Variants in UGCG observed in about 807,000 individuals in gnomAD.
UGCG encodes ceramide glucosyltransferase.
In UGCG, 10 loss-of-function variants were observed where a neutral mutation model predicts 49.5. That is an observed-to-expected ratio of 0.20 (90% CI 0.12 to 0.34). UGCG has a LOEUF of 0.34. Ranked by LOEUF, UGCG falls within the 10% of genes least tolerant of loss-of-function variation. UGCG has a pLI of 1.00. For missense variants in UGCG, 312 were observed against 483.7 expected (o/e 0.65, Z 3.33); for synonymous variants, 182 against 158.2 (o/e 1.15, Z -1.13).
intron 4 of UGCG, among the ~76,000 whole-genome samples, chr9:111,926,168 A>T (rs980990957): frequency 1.3e-5 from 2 of 152,220 alleles, no homozygotes; most frequent in African/African-American, 4.8e-5. Context: ...GGGCTAAAAA[A>T]TGTATAAATT....
intron 7 of UGCG, 111 bp from the exon 8 acceptor site, chr9:111,932,059 G>C (rs1398133521): frequency 1.6e-5 from 18 of 1,124,466 alleles, no homozygotes; most frequent in Non-Finnish European, 2.0e-5. Flanking sequence ...AGTTTAAAGA[G>C]AATGGTCTTT....
At chr9:111,914,021 T>C (rs554973638) in intron 1 of UGCG, among the ~76,000 whole-genome samples, 1 of 152,286 alleles carries the variant, frequency 6.6e-6, no homozygotes, top group South Asian at 2.1e-4. Flanking sequence ...TTTAACTGTG[T>C]ATTATCCCAC....
intron 4 of UGCG, 66 bp from the exon 5 acceptor site, chr9:111,926,318 T>C: frequency 1.1e-6 from 1 of 920,312 alleles, no homozygotes; most frequent in South Asian, 1.8e-5. Context: ...TATTTTATAT[T>C]AATGGGCATT....
rs1838457686 is a variant in UGCG, at chr9:111,933,150, TG to T, written c.*154del. On this transcript the variant is annotated 3_prime_UTR_variant, in exon 9 of 9. Coordinates refer to ENST00000374279, the MANE Select transcript of UGCG (RefSeq NM_003358.3). ...TATTTTTGCATGGCACTTGCATCTG[TG>T]AAAAAAAAAAAAAACACATCTGTAG... is the stretch of plus-strand genomic sequence containing the variant. The T allele has an allele frequency of 6.5e-6, 4 of 614,738 alleles. No individual in the cohort carries two copies. The highest frequency in any genetic ancestry group is 9.1e-6 in the Non-Finnish European group (4 of 439,030). 38.1% of individuals were successfully genotyped at this position (614,738 alleles called of 1,614,324 possible).
intron 1 of UGCG, among the ~76,000 whole-genome samples, chr9:111,911,334 A>G (rs1171250685): frequency 2.0e-5 from 3 of 152,168 alleles, no homozygotes; most frequent in African/African-American, 7.2e-5. Context: ...TAACGGTTCA[A>G]TTATGTATTT....
chr9:111,930,466 T>G (rs1168395705), intron 6 of UGCG, among the ~76,000 whole-genome samples: 1 of 136,490 alleles, frequency 7.3e-6, no homozygotes, highest in Non-Finnish European at 1.5e-5. Context: ...CTTGTTTTGT[T>G]TTGGTTTTTT....
chr9:111,908,805 A>G (rs1837940455), intron 1 of UGCG, among the ~76,000 whole-genome samples: 1 of 152,206 alleles, frequency 6.6e-6, no homozygotes, highest in Non-Finnish European at 1.5e-5. Context: ...TGAGACACTA[A>G]AAGAAAAACT....
At chr9:111,923,006 AAT>A in intron 3 of UGCG, 55 bp downstream of exon 3, 1 of 1,163,462 alleles carries the variant, frequency 8.6e-7, no homozygotes, top group East Asian at 2.4e-5. Context: ...AAGTATCAGT[AAT>A]CTCTGCATTG....
chr9:111,914,968 T>C lies in UGCG; in HGVS notation c.240+222T>C, dbSNP rs1838086833. ...TAACCACCTATATGTCCGTGTGAAG[T>C]AGAGATCCCTGAGTAAACCTTCTGA... On this transcript the variant is annotated intron_variant, in intron 2 of 8. Coordinates refer to ENST00000374279, the MANE Select transcript of UGCG (RefSeq NM_003358.3). The C allele has an allele frequency of 6.3e-6, 3 of 479,990 alleles. No homozygotes were observed. The Admixed American group carries it at 1.1e-4, about 18-fold the overall frequency. 29.7% of individuals were successfully genotyped at this position (479,990 alleles called of 1,614,324 possible). A position where few individuals can be genotyped will look rare whatever the true frequency, so the allele number is the denominator to read the frequency against.
intron 5 of UGCG, among the ~76,000 whole-genome samples, chr9:111,926,934 ACGAT>A (rs979399551): frequency 6.0e-5 from 7 of 116,868 alleles, no homozygotes; most frequent in African/African-American, 2.3e-4. Flanking sequence ...GTGCAGTGGC[ACGAT>A]CTCGGCTCAC....
chr9:111,915,243 A>C (rs1376524210), intron 2 of UGCG, among the ~76,000 whole-genome samples: 1 of 152,198 alleles, frequency 6.6e-6, no homozygotes, highest in African/African-American at 2.4e-5. Flanking sequence ...TACTGTTCTG[A>C]TTTTAATAGC....
intron 5 of UGCG, 36 bp downstream of exon 5, chr9:111,926,532 C>G: frequency 2.0e-6 from 3 of 1,474,878 alleles, no homozygotes; most frequent in Non-Finnish European, 2.8e-6. Context: ...TTCATAGTAT[C>G]AGACCCCTCA....
At chr9:111,930,516 G>A (rs563438471) in intron 6 of UGCG, among the ~76,000 whole-genome samples, 2 of 149,206 alleles carry the variant, frequency 1.3e-5, no homozygotes, top group South Asian at 4.2e-4. Flanking sequence ...CATCCAGGCT[G>A]GAGTGCAGTG....
At chr9:111,907,978 C>G (rs1378902442) in intron 1 of UGCG, among the ~76,000 whole-genome samples, 3 of 152,050 alleles carry the variant, frequency 2.0e-5, no homozygotes, top group African/African-American at 7.2e-5. Context: ...TGCTTGATGT[C>G]CAGTATCTTC....
intron 4 of UGCG, 135 bp from the exon 5 acceptor site, chr9:111,926,249 A>T (rs1838310063): frequency 1.9e-6 from 1 of 525,668 alleles, no homozygotes; most frequent in African/African-American, 1.9e-5. Flanking sequence ...TCATTTTATT[A>T]GATCCATATG....
chr9:111,928,633 T>C (rs1801090206), intron 5 of UGCG, among the ~76,000 whole-genome samples: 1 of 152,224 alleles, frequency 6.6e-6, no homozygotes, highest in Non-Finnish European at 1.5e-5. Context: ...AGGGCTTCAC[T>C]GGAGTCTGGG....
intron 1 of UGCG, among the ~76,000 whole-genome samples, chr9:111,912,375 C>T (rs1291035486): frequency 1.3e-5 from 2 of 151,830 alleles, no homozygotes; most frequent in African/African-American, 4.8e-5. Context: ...ATGAAGAGTT[C>T]GAGACCAGCC....
chr9:111,915,716 C>T (rs1838098886), intron 2 of UGCG: 1 of 914,168 alleles, frequency 1.1e-6, no homozygotes, highest in South Asian at 5.1e-5. Flanking sequence ...CACTACACTT[C>T]TTATGGTGAC....
intron 1 of UGCG, among the ~76,000 whole-genome samples, chr9:111,908,837 G>C (rs576417511): frequency 6.6e-6 from 1 of 152,214 alleles, no homozygotes; most frequent in Non-Finnish European, 1.5e-5. Context: ...AGTAAAACTT[G>C]TAAGACCCTG....
Sources: gnomAD v4.1 joint callset for allele counts (sites outside exome capture counted in the v4.1 genomes callset) on GRCh38, gnomAD v4.1.1 for gene constraint, MANE v1.5 for transcripts, NCBI Gene and HGNC (gene_info 2026-07-23, HGNC 2026-07-21) for gene names.